The following TBC1D8 variants were observed in gnomAD, a reference collection of about 807,000 sequenced individuals.
The protein encoded by TBC1D8 is TBC1 domain family member 8, also known as BUB2-like protein 1.
In TBC1D8, 65 loss-of-function variants were observed where a neutral mutation model predicts 118.8. The observed-to-expected ratio is 0.55, with a 90% CI of 0.45 to 0.67. The LOEUF (loss-of-function observed/expected upper bound fraction) is 0.67, where lower values mean the gene tolerates loss of function less well. Ranked by LOEUF, TBC1D8 falls within the 30% of genes least tolerant of loss-of-function variation. The pLI is 0.00. For synonymous variants in TBC1D8, 566 were observed against 595.8 expected, an observed-to-expected ratio of 0.95 and a Z score of 0.73; for missense variants, 1,376 against 1,471.2, an observed-to-expected ratio of 0.94 and a Z score of 1.06.
intron 15 of TBC1D8, among the ~76,000 whole-genome samples, chr2:101,023,316 T>C (rs1396400185): frequency 6.6e-6 from 1 of 151,904 alleles, no homozygotes; most frequent in Non-Finnish European, 1.5e-5. Context: ...AGCTAACTTT[T>C]TGTATTTTTA....
intron 2 of TBC1D8, among the ~76,000 whole-genome samples, chr2:101,062,550 T>C (rs1362644217): frequency 6.6e-6 from 1 of 152,180 alleles, no homozygotes; most frequent in Non-Finnish European, 1.5e-5. Context: ...TTGTCCAAAA[T>C]CATATCAAAT....
rs1232365579 is a variant in TBC1D8 at position 101,105,705 on chromosome 2, C to T, written c.128-15341G>A. Among the ~76,000 whole-genome samples the T allele has an allele frequency of 2.7e-5, 4 of 149,974 alleles. No individual in the cohort carries two copies. The East Asian group carries it at 7.8e-4, about 29-fold the overall frequency. ...TATACTTAATAGAATGGCTAAAATC[C>T]AAAAAACTGACGATACCAATTGTGA... On this transcript the variant is annotated intron_variant, in intron 1 of 19. Coordinates refer to ENST00000409318, the MANE Select transcript of TBC1D8 (RefSeq NM_001330348.2).
At chr2:101,023,074 G>C (rs1309616530) in intron 15 of TBC1D8, among the ~76,000 whole-genome samples, 1 of 151,822 alleles carries the variant, frequency 6.6e-6, no homozygotes, top group Non-Finnish European at 1.5e-5. Context: ...GAACTCCGGA[G>C]GCGGAGGTTG....
chr2:101,120,086 A>G (rs1436325341), intron 1 of TBC1D8, among the ~76,000 whole-genome samples: 9 of 152,010 alleles, frequency 5.9e-5, no homozygotes, highest in Admixed American at 5.9e-4. Flanking sequence ...CCCTGACTCC[A>G]CCACCACCAA....
At chr2:101,059,569 T>A (rs371101553) in intron 2 of TBC1D8, 30 bp from the exon 3 acceptor site, 3 of 1,529,726 alleles carry the variant, frequency 2.0e-6, no homozygotes, top group Non-Finnish European at 2.7e-6. Context: ...GATACAGAGA[T>A]TAAAAAATGC....
At chr2:101,133,272 A>G (rs779485251) in intron 1 of TBC1D8, among the ~76,000 whole-genome samples, 3 of 152,166 alleles carry the variant, frequency 2.0e-5, no homozygotes, top group African/African-American at 4.8e-5. Context: ...TAGAAATATT[A>G]ATCACATAGC....
intron 1 of TBC1D8, among the ~76,000 whole-genome samples, chr2:101,144,458 T>A (rs1679241531): frequency 6.6e-6 from 1 of 151,852 alleles, no homozygotes; most frequent in African/African-American, 2.4e-5. Context: ...TGCTGCAGGG[T>A]CTGTGCTTAA....
intron 1 of TBC1D8, among the ~76,000 whole-genome samples, chr2:101,128,488 C>T (rs1678447222): frequency 1.3e-5 from 2 of 152,138 alleles, no homozygotes; most frequent in Admixed American, 1.3e-4. Context: ...GCAGTCAAGT[C>T]CTCAGAGGCC....
intron 1 of TBC1D8, among the ~76,000 whole-genome samples, chr2:101,094,438 G>A (rs1190462674): frequency 6.6e-6 from 1 of 152,158 alleles, no homozygotes; most frequent in East Asian, 1.9e-4. Context: ...ATGAAGATCA[G>A]AAAGGGGCTA....
chr2:101,071,292 C>G (rs1674406248), intron 2 of TBC1D8, among the ~76,000 whole-genome samples: 1 of 152,086 alleles, frequency 6.6e-6, no homozygotes, highest in South Asian at 2.1e-4. Flanking sequence ...TTGCAGTGAG[C>G]CGAGATCGCA....
chr2:101,025,634 T>A (rs1188572264), intron 15 of TBC1D8, among the ~76,000 whole-genome samples: 1 of 152,224 alleles, frequency 6.6e-6, no homozygotes, highest in Non-Finnish European at 1.5e-5. Flanking sequence ...GTCTTTCAAT[T>A]AAACTTTGAA....
intron 2 of TBC1D8, among the ~76,000 whole-genome samples, chr2:101,087,932 A>C (rs1323285538): frequency 2.6e-5 from 4 of 152,220 alleles, no homozygotes; most frequent in Non-Finnish European, 4.4e-5. Flanking sequence ...AATGCTTTCA[A>C]AAATCTCTTC....
rs61200526 is a variant in TBC1D8, at chr2:101,095,249, T to TTTATTATTATTATTATTA, written c.128-4903_128-4886dup. Among the ~76,000 whole-genome samples, 1,300 of 146,546 alleles carry TTTATTATTATTATTATTA rather than the reference T, an allele frequency of 8.9e-3. 12 individuals are homozygous for TTTATTATTATTATTATTA. The highest frequency in any genetic ancestry group is 0.013 in the Admixed American group (192 of 14,428). Reference sequence around the variant, plus strand: ...GCCAACGCACCAGAGAAGTATTTTCTTTATTATTATTATTATTATACTTTA... The same window carrying TTTATTATTATTATTATTA: ...GCCAACGCACCAGAGAAGTATTTTCTTTATTATTATTATTATTATTATTATTATTATTATTATACTTTA... On this transcript the variant is annotated intron_variant, in intron 1 of 19. Coordinates refer to ENST00000409318, the MANE Select transcript of TBC1D8 (RefSeq NM_001330348.2).
At chr2:101,086,986 G>A (rs1675677023) in intron 2 of TBC1D8, among the ~76,000 whole-genome samples, 1 of 151,990 alleles carries the variant, frequency 6.6e-6, no homozygotes, top group Non-Finnish European at 1.5e-5. Flanking sequence ...GTTTCCCCAT[G>A]TTGGCCAAGT....
chr2:101,083,103 G>A (rs138689643), intron 2 of TBC1D8, among the ~76,000 whole-genome samples: 1 of 152,202 alleles, frequency 6.6e-6, no homozygotes, highest in African/African-American at 2.4e-5. Flanking sequence ...ATCTGTAACT[G>A]CATGCCTTAC....
At chr2:101,025,974 T>C (rs1171457303) in intron 15 of TBC1D8, among the ~76,000 whole-genome samples, 1 of 152,210 alleles carries the variant, frequency 6.6e-6, no homozygotes, top group African/African-American at 2.4e-5. Flanking sequence ...TTTCCTCAAG[T>C]ACCAACCAAC....
Position 101,050,650 on chromosome 2 carries a change from G to T in TBC1D8, c.632-9C>A. The T allele has an allele frequency of 1.2e-6, 2 of 1,611,582 alleles. No individual in the cohort carries two copies. On this transcript the variant is annotated splice_polypyrimidine_tract_variant and intron_variant, in intron 4 of 19. Coordinates refer to ENST00000409318, the MANE Select transcript of TBC1D8 (RefSeq NM_001330348.2). ...CGGAACCACAAGTTTAACTGTAAGA[G>T]AAAAGGGTGAAATACCTATTATGCC...
chr2:101,143,063 C>CTTTTT (rs11454446), intron 1 of TBC1D8, among the ~76,000 whole-genome samples: 6 of 139,998 alleles, frequency 4.3e-5, no homozygotes, highest in Non-Finnish European at 6.1e-5. Context: ...CTTTCCTTTC[C>CTTTTT]TTTTTTTTTT....
intron 2 of TBC1D8, among the ~76,000 whole-genome samples, chr2:101,077,405 G>A (rs146672926): frequency 0.073 from 10,977 of 150,916 alleles, 905 homozygotes; most frequent in African/African-American, 0.22. Context: ...CCACCACCAC[G>A]CCCAGCTAAT....
Sources: allele counts gnomAD v4.1 joint callset (sites outside exome capture counted in the v4.1 genomes callset), GRCh38; gene constraint gnomAD v4.1.1; transcripts MANE v1.5; gene names NCBI Gene and HGNC (gene_info 2026-07-23, HGNC 2026-07-21).